The following ROBO1 variants were observed in gnomAD, a reference collection of about 807,000 sequenced individuals.
The protein encoded by ROBO1 is roundabout guidance receptor 1, also known as roundabout homolog 1.
A neutral mutation model predicts 195.9 loss-of-function variants in ROBO1; 149 were observed. The observed-to-expected ratio is 0.76, with a 90% CI of 0.67 to 0.87. ROBO1 has a LOEUF of 0.87. Ranked by LOEUF, ROBO1 falls within the 40% of genes least tolerant of loss-of-function variation. ROBO1 has a pLI of 0.00. For missense variants in ROBO1, 1,933 were observed against 2,068.3 expected, an observed-to-expected ratio of 0.93 and a Z score of 1.27; for synonymous variants, 816 against 733.2, an observed-to-expected ratio of 1.11 and a Z score of -1.82.
intron 22 of ROBO1, among the ~76,000 whole-genome samples, chr3:78,636,618 T>A (rs1575816248): frequency 6.6e-6 from 1 of 151,926 alleles, no homozygotes; most frequent in African/African-American, 2.4e-5. Context: ...TTAAAAGATA[T>A]GGGAACAGGG....
At chr3:78,813,599 C>G (rs187835460) in intron 4 of ROBO1, among the ~76,000 whole-genome samples, 1 of 152,128 alleles carries the variant, frequency 6.6e-6, no homozygotes, top group East Asian at 1.9e-4. Context: ...TTGTCATTCA[C>G]ATTACAGAAA....
chr3:78,812,897 T>G (rs2084785217), intron 4 of ROBO1, among the ~76,000 whole-genome samples: 1 of 152,140 alleles, frequency 6.6e-6, no homozygotes, highest in South Asian at 2.1e-4. Context: ...TGACTGCAAT[T>G]ATTTACATGG....
rs761819079 is a variant in ROBO1 at position 79,256,481 on chromosome 3, A to G, written c.89-130942T>C. Among the ~76,000 whole-genome samples, 79 of 152,300 alleles carry G rather than the reference A, an allele frequency of 5.2e-4. 1 individual carries two copies. Among genetic ancestry groups the G allele is most frequent in the Non-Finnish European group, 7.4e-4 (50 of 68,016 alleles). ...AGGTGATGGAAATAAGATCTTCCAT[A>G]AATGTGGAATGAGGAAAAATAAGAA... is the stretch of plus-strand genomic sequence containing the variant. On this transcript the variant is annotated intron_variant, in intron 2 of 30. Transcript: ENST00000464233.
chr3:78,659,025 T>C (rs1397808672), intron 17 of ROBO1, among the ~76,000 whole-genome samples: 3 of 152,198 alleles, frequency 2.0e-5, no homozygotes, highest in Admixed American at 6.5e-5. Flanking sequence ...TTCCACAATT[T>C]AGCTTGAGAG....
chr3:79,742,196 A>G (rs1162736883), intron 1 of ROBO1, among the ~76,000 whole-genome samples: 2 of 152,186 alleles, frequency 1.3e-5, no homozygotes, highest in Admixed American at 1.3e-4. Context: ...GGGGAGTTGA[A>G]TGTTAATAGC....
chr3:78,924,963 T>G (rs891891533), intron 4 of ROBO1, among the ~76,000 whole-genome samples: 4 of 151,954 alleles, frequency 2.6e-5, no homozygotes, highest in Non-Finnish European at 5.9e-5. Flanking sequence ...GCAATTGTTT[T>G]TAAATCTATT....
intron 1 of ROBO1, among the ~76,000 whole-genome samples, chr3:79,725,849 G>A (rs1244954450): frequency 2.0e-5 from 3 of 151,886 alleles, no homozygotes; most frequent in Non-Finnish European, 4.4e-5. Flanking sequence ...GACAGGTTAA[G>A]GGTCTCTTTT....
chr3:79,445,454 T>A (rs980427892), intron 2 of ROBO1, among the ~76,000 whole-genome samples: 2 of 150,732 alleles, frequency 1.3e-5, no homozygotes, highest in Non-Finnish European at 3.0e-5. Flanking sequence ...CATTTCTGTA[T>A]TTTTTTTGGT....
At chr3:79,539,084 A>C (rs1458978987) in intron 2 of ROBO1, among the ~76,000 whole-genome samples, 2 of 152,142 alleles carry the variant, frequency 1.3e-5, no homozygotes, top group African/African-American at 2.4e-5. Context: ...AACTTCCCCC[A>C]AAAAGAAAAT....
At chr3:79,274,936 A>G (rs1320741503) in intron 2 of ROBO1, among the ~76,000 whole-genome samples, 1 of 152,034 alleles carries the variant, frequency 6.6e-6, no homozygotes, top group Non-Finnish European at 1.5e-5. Flanking sequence ...TGAACTATGA[A>G]GAAATCTAAA....
intron 1 of ROBO1, among the ~76,000 whole-genome samples, chr3:79,695,350 T>C (rs191747362): frequency 6.6e-6 from 1 of 151,626 alleles, no homozygotes; most frequent in Non-Finnish European, 1.5e-5. Flanking sequence ...ACAACCTCTT[T>C]GACGATGTGA....
At chr3:79,275,802 C>T (rs1333607893) in intron 2 of ROBO1, among the ~76,000 whole-genome samples, 2 of 151,764 alleles carry the variant, frequency 1.3e-5, no homozygotes, top group Non-Finnish European at 3.0e-5. Context: ...ACGATATCAA[C>T]ATACAACAAT....
At chr3:78,884,668 G>A (rs189335923) in intron 4 of ROBO1, among the ~76,000 whole-genome samples, 41,423 of 130,640 alleles carry the variant, frequency 0.32, 6,874 homozygotes, top group Non-Finnish European at 0.34. Context: ...AGGAAGGAAG[G>A]AAGGAAGGAA....
chr3:78,781,829 G>A (rs1348533942), intron 4 of ROBO1, among the ~76,000 whole-genome samples: 1 of 152,006 alleles, frequency 6.6e-6, no homozygotes, highest in Non-Finnish European at 1.5e-5. Flanking sequence ...CACATATGAT[G>A]TTTAAAATAT....
At chr3:78,939,457 A>C (rs1180372380) in intron 3 of ROBO1, among the ~76,000 whole-genome samples, 2 of 151,214 alleles carry the variant, frequency 1.3e-5, no homozygotes, top group African/African-American at 2.4e-5. Flanking sequence ...TACTAAAAAA[A>C]AAAAAAAAAA....
chr3:78,659,870 T>C, intron 16 of ROBO1, 63 bp from the exon 17 acceptor site: 1 of 1,400,650 alleles, frequency 7.1e-7, no homozygotes, highest in South Asian at 1.4e-5. Context: ...AAGCAGGTAA[T>C]TAATATCAAA....
At chr3:78,980,049 C>T (rs1017053197) in intron 3 of ROBO1, among the ~76,000 whole-genome samples, 3 of 152,130 alleles carry the variant, frequency 2.0e-5, no homozygotes, top group African/African-American at 7.2e-5. Flanking sequence ...CACTTTAATA[C>T]ATGTACAAGC....
chr3:79,489,613 C>T lies in ROBO1; in HGVS notation c.88+100211G>A, dbSNP rs1040977050. Reference sequence around the variant, plus strand: ...GAGGTTGCAGTGAGCCGAGAACACGCCACTGCACTCCAGCCTGGGGAGAGT... The same window carrying T: ...GAGGTTGCAGTGAGCCGAGAACACGTCACTGCACTCCAGCCTGGGGAGAGT... On this transcript the variant is annotated intron_variant, in intron 2 of 30. Coordinates refer to ENST00000464233, the MANE Select transcript of ROBO1 (RefSeq NM_002941.4). Among the ~76,000 whole-genome samples the T allele has an allele frequency of 6.7e-5, 10 of 149,708 alleles. 3 individuals carry two copies. Among genetic ancestry groups the T allele is most frequent in the Admixed American group, 6.7e-4 (10 of 15,018 alleles).
intron 1 of ROBO1, among the ~76,000 whole-genome samples, chr3:79,735,849 C>G (rs1703354050): frequency 7.2e-6 from 1 of 138,674 alleles, no homozygotes; most frequent in African/African-American, 2.8e-5. Flanking sequence ...CCAGCCTGGG[C>G]GACAGAGAGA....
Sources: allele counts gnomAD v4.1 joint callset (sites outside exome capture counted in the v4.1 genomes callset), GRCh38; gene constraint gnomAD v4.1.1; transcripts MANE v1.5; gene names NCBI Gene and HGNC (gene_info 2026-07-23, HGNC 2026-07-21).